The following PVT1 variants were observed in gnomAD, a reference collection of about 807,000 sequenced individuals.
PVT1 encodes CXCR4/PVT1 fusion.
At chr8:127,797,855 G>T (rs1290180641) in intron 2 of PVT1, among the ~76,000 whole-genome samples, 1 of 152,042 alleles carries the variant, frequency 6.6e-6, no homozygotes, top group Non-Finnish European at 1.5e-5. Context: ...GATGATTATT[G>T]TTGTGGTTTT....
At chr8:128,098,898 C>G (rs1462354080) in intron 6 of PVT1, among the ~76,000 whole-genome samples, 2 of 152,166 alleles carry the variant, frequency 1.3e-5, no homozygotes, top group Non-Finnish European at 2.9e-5. Context: ...AAGAGTGAGT[C>G]CTGCACTGAA....
chr8:128,032,176 G>A (rs1205821181), intron 4 of PVT1, among the ~76,000 whole-genome samples: 2 of 152,186 alleles, frequency 1.3e-5, no homozygotes, highest in Non-Finnish European at 2.9e-5. Context: ...GCAGTCATTC[G>A]GTGGAGTCTG....
chr8:127,901,872 G>A (rs961242141), intron 3 of PVT1, among the ~76,000 whole-genome samples: 1 of 151,668 alleles, frequency 6.6e-6, no homozygotes, highest in African/African-American at 2.4e-5. Context: ...AAAGTGCTGG[G>A]ATTACAGGCT....
intron 2 of PVT1, among the ~76,000 whole-genome samples, chr8:127,827,700 C>G (rs1366972679): frequency 6.6e-6 from 1 of 152,114 alleles, no homozygotes; most frequent in African/African-American, 2.4e-5. Context: ...AAATTTCCTT[C>G]CCCCTTTCTT....
chr8:127,933,338 G>A (rs1322246398), intron 3 of PVT1, among the ~76,000 whole-genome samples: 1 of 152,218 alleles, frequency 6.6e-6, no homozygotes, highest in African/African-American at 2.4e-5. Flanking sequence ...GCCTCCCAAA[G>A]TGCTGGGGTT....
intron 3 of PVT1, among the ~76,000 whole-genome samples, chr8:127,951,819 T>C (rs912312384): frequency 2.7e-5 from 2 of 73,230 alleles, no homozygotes; most frequent in African/African-American, 3.8e-5. Flanking sequence ...ACAGAATTCC[T>C]TTTTTTTTTT....
At chr8:127,928,837 C>T (rs1168376657) in intron 3 of PVT1, among the ~76,000 whole-genome samples, 1 of 152,204 alleles carries the variant, frequency 6.6e-6, no homozygotes, top group East Asian at 1.9e-4. Flanking sequence ...GCTGGGTTGA[C>T]CTTTAAATAG....
Position 127,991,144 on chromosome 8 carries a change from T to C in PVT1, n.912+1853T>C, listed in dbSNP as rs553621242. Among the ~76,000 whole-genome samples, 300 of 74,262 alleles carry C rather than the reference T, an allele frequency of 4.0e-3. 1 individual carries two copies. Among genetic ancestry groups the C allele is most frequent in the Non-Finnish European group, 5.7e-3 (196 of 34,422 alleles). The allele number at this position is 74,262 out of a possible 152,430, so 48.7% of individuals were successfully genotyped here. A position where few individuals can be genotyped will look rare whatever the true frequency, so the allele number is the denominator to read the frequency against. ...GCTCTTTTTTTTCTTTTCTTTCTTT[T>C]TTTTTTTTTTTTTTTTGAGACGGAA... On this transcript the variant is annotated intron_variant and non_coding_transcript_variant, in intron 4 of 10. Coordinates refer to ENST00000651587, the Ensembl canonical transcript of PVT1.
intron 2 of PVT1, among the ~76,000 whole-genome samples, chr8:127,815,895 G>T (rs993400679): frequency 6.6e-6 from 1 of 152,186 alleles, no homozygotes; most frequent in African/African-American, 2.4e-5. Context: ...GGAGGCCAAG[G>T]TGGGCAGATA....
chr8:128,097,180 G>A (rs1192176554), intron 6 of PVT1, among the ~76,000 whole-genome samples: 3 of 152,152 alleles, frequency 2.0e-5, no homozygotes, highest in East Asian at 1.9e-4. Flanking sequence ...GGCCAACATG[G>A]CGAAACCCCA....
At chr8:127,977,375 T>C (rs766519600) in intron 3 of PVT1, among the ~76,000 whole-genome samples, 2 of 152,172 alleles carry the variant, frequency 1.3e-5, no homozygotes, top group Non-Finnish European at 2.9e-5. Context: ...AGGTACTTCC[T>C]AAGCCCCCAT....
chr8:127,973,794 A>C (rs1038062195), intron 3 of PVT1, among the ~76,000 whole-genome samples: 3 of 151,746 alleles, frequency 2.0e-5, no homozygotes, highest in African/African-American at 7.3e-5. Context: ...CCTGGCTAAC[A>C]TGGTGAAACC....
At chr8:127,835,126 A>G (rs1015289812) in intron 2 of PVT1, among the ~76,000 whole-genome samples, 19 of 152,190 alleles carry the variant, frequency 1.2e-4, no homozygotes, top group African/African-American at 4.6e-4. Flanking sequence ...AAATCATTCT[A>G]CTATAAAGAC....
intron 4 of PVT1, among the ~76,000 whole-genome samples, chr8:128,041,702 G>T (rs928447278): frequency 6.6e-6 from 1 of 151,508 alleles, no homozygotes. Context: ...TGTGTTGTTC[G>T]TGTGTGCATG....
intron 4 of PVT1, among the ~76,000 whole-genome samples, chr8:127,991,004 A>C (rs1035672807): frequency 1.4e-4 from 21 of 152,190 alleles, no homozygotes; most frequent in African/African-American, 4.8e-4. Context: ...TTTAGAGCTC[A>C]GCACCTTTGT....
intron 3 of PVT1, among the ~76,000 whole-genome samples, chr8:127,901,011 A>G (rs953359210): frequency 6.6e-6 from 1 of 152,238 alleles, no homozygotes; most frequent in African/African-American, 2.4e-5. Context: ...AAGGAGCAAC[A>G]TAATGGGGGC....
rs750624055 is a variant in PVT1, at chr8:127,911,513, G to A, written n.782+20515G>A. ...GATCCCCGTGGCCACTGTGAAGTAC[G>A]GGACTGGAGGTCTCCGGAGGAGATG... On this transcript the variant is annotated intron_variant and non_coding_transcript_variant, in intron 3 of 10. Coordinates refer to ENST00000651587, the Ensembl canonical transcript of PVT1. Among the ~76,000 whole-genome samples the A allele has an allele frequency of 5.3e-5, 8 of 152,238 alleles. No homozygotes were observed. The South Asian group carries it at 8.3e-4, about 16-fold the overall frequency.
At chr8:127,972,986 C>A (rs146150941) in intron 3 of PVT1, among the ~76,000 whole-genome samples, 8 of 152,298 alleles carry the variant, frequency 5.3e-5, no homozygotes, top group African/African-American at 1.9e-4. Context: ...CTCACTATAA[C>A]CTCGAACTAC....
At chr8:127,875,337 C>T (rs1029709297) in intron 2 of PVT1, among the ~76,000 whole-genome samples, 3 of 148,090 alleles carry the variant, frequency 2.0e-5, no homozygotes, top group Admixed American at 6.7e-5. Context: ...CTGTCTCTGT[C>T]TCTGACTCTG....
Sources: gnomAD v4.1 joint callset for allele counts (sites outside exome capture counted in the v4.1 genomes callset) on GRCh38, gnomAD v4.1.1 for gene constraint, MANE v1.5 for transcripts, NCBI Gene and HGNC (gene_info 2026-07-23, HGNC 2026-07-21) for gene names.